Variants in PCNX1 observed in about 807,000 individuals in gnomAD.
The protein encoded by PCNX1 is pecanex-like protein 1.
Under a neutral mutation model 242.2 loss-of-function variants are expected in PCNX1, and 78 were observed. That is an observed-to-expected ratio of 0.32 (90% CI 0.27 to 0.39). PCNX1 has a LOEUF of 0.39. Ranked by LOEUF, PCNX1 falls within the 10% of genes least tolerant of loss-of-function variation. The pLI is 1.00. For synonymous variants in PCNX1, 1,024 were observed against 1,032.9 expected, an observed-to-expected ratio of 0.99 and a Z score of 0.17; for missense variants, 2,581 against 2,856.5, an observed-to-expected ratio of 0.90 and a Z score of 2.20.
chr14:70,972,260 G>A (rs1170184704), intron 5 of PCNX1, among the ~76,000 whole-genome samples: 1 of 149,972 alleles, frequency 6.7e-6, no homozygotes, highest in Non-Finnish European at 1.5e-5. Flanking sequence ...AGGGTGGGGA[G>A]AGCAAGGGGG....
chr14:71,018,340 GAT>G (rs578189983), intron 11 of PCNX1, among the ~76,000 whole-genome samples: 17 of 151,736 alleles, frequency 1.1e-4, no homozygotes, highest in South Asian at 6.2e-4. Context: ...AATCTTCATT[GAT>G]ATATATATAT....
intron 30 of PCNX1, among the ~76,000 whole-genome samples, chr14:71,098,346 C>T (rs1193810096): frequency 1.3e-5 from 2 of 151,982 alleles, no homozygotes; most frequent in Non-Finnish European, 2.9e-5. Context: ...GGAATGGCAT[C>T]GAAGCTGTAG....
chr14:71,005,671 T>C (rs1370338493), intron 8 of PCNX1, among the ~76,000 whole-genome samples: 2 of 152,194 alleles, frequency 1.3e-5, no homozygotes, highest in Non-Finnish European at 1.5e-5. Context: ...CAGTGTCTTG[T>C]GAATGTTTAT....
At chr14:71,049,506 GTTCTT>G (rs1249345011) in intron 22 of PCNX1, among the ~76,000 whole-genome samples, 1 of 152,056 alleles carries the variant, frequency 6.6e-6, no homozygotes. Context: ...GTTACATATT[GTTCTT>G]TTCTTTAATA....
At chr14:70,931,462 A>G (rs1197054564) in intron 1 of PCNX1, among the ~76,000 whole-genome samples, 1 of 152,208 alleles carries the variant, frequency 6.6e-6, no homozygotes, top group Non-Finnish European at 1.5e-5. Context: ...TCATCTCCTG[A>G]AAGAGTGTTA....
In PCNX1 at chr14:70,907,657, TCTCCTCCTCCTCGTTTGCTGC is replaced by T. The variant is rs930099790; in HGVS notation, c.-181_-161del. ...CCGCTCGCCGCCTCCTCCTCTCGGG[TCTCCTCCTCCTCGTTTGCTGC>T]CTCCTCCTCCTCCTGCAGCAGCACC... is the stretch of plus-strand genomic sequence containing the variant. On this transcript the variant is annotated 5_prime_UTR_variant, in exon 1 of 36. Coordinates refer to ENST00000304743, the MANE Select transcript of PCNX1 (RefSeq NM_014982.3). The T allele has an allele frequency of 9.2e-5, 43 of 469,328 alleles. No homozygotes were observed. Among genetic ancestry groups the T allele is most frequent in the Non-Finnish European group, 1.3e-4 (42 of 331,782 alleles). The allele number at this position is 469,328 out of a possible 1,614,324, so 29.1% of individuals were successfully genotyped here.
At chr14:70,990,821 TG>T (rs1443417294) in intron 7 of PCNX1, among the ~76,000 whole-genome samples, 1 of 152,196 alleles carries the variant, frequency 6.6e-6, no homozygotes. Context: ...CTGATGGATT[TG>T]GAGCATAGTC....
At chr14:70,952,356 A>T (rs2057817687) in intron 2 of PCNX1, among the ~76,000 whole-genome samples, 2 of 152,214 alleles carry the variant, frequency 1.3e-5, no homozygotes, top group Admixed American at 1.3e-4. Flanking sequence ...AGCTTAAGAA[A>T]TAAAACATTA....
At chr14:70,950,057 G>T (rs1401678788) in intron 2 of PCNX1, among the ~76,000 whole-genome samples, 1 of 152,088 alleles carries the variant, frequency 6.6e-6, no homozygotes, top group Non-Finnish European at 1.5e-5. Flanking sequence ...TGATATTTCT[G>T]TATATTTTCC....
Position 70,977,005 on chromosome 14 carries a change from C to T in PCNX1, c.668C>T (p.Pro223Leu). 1 of 1,614,134 alleles carries T rather than the reference C, an allele frequency of 6.2e-7. No individual in the cohort carries two copies. Among genetic ancestry groups the T allele is most frequent in the Non-Finnish European group, 8.5e-7 (1 of 1,179,992 alleles). ...AATGACTCCTTCATCTCTATTCAGC[C>T]TTCCTTATCCTCTTGTGGACAGGAC... is the stretch of plus-strand genomic sequence containing the variant. ...VSNDSFISIQ[P>L]SLSSCGQDLP... is the part of the protein sequence containing the mutation. The change falls in exon 6 of 36, where the codon CCT (proline) becomes CTT (leucine). Residue 223 changes from proline to leucine, a missense_variant. Pro to Leu is a moderately conservative substitution (Grantham distance 98). This residue lies in a region of PCNX1 where 1,204 missense variants were observed against 1,216.7 expected (regional missense o/e 0.99). Transcript: ENST00000304743.
chr14:71,037,231 CA>C (rs1417701461), intron 19 of PCNX1, among the ~76,000 whole-genome samples: 1 of 145,346 alleles, frequency 6.9e-6, no homozygotes, highest in Non-Finnish European at 1.5e-5. Context: ...ATGTCATCTG[CA>C]AACAGGGACA....
At chr14:70,995,203 T>G (rs2059312520) in intron 7 of PCNX1, among the ~76,000 whole-genome samples, 1 of 152,216 alleles carries the variant, frequency 6.6e-6, no homozygotes, top group Non-Finnish European at 1.5e-5. Context: ...CTTGCTAGTT[T>G]GTGATTCTTT....
intron 1 of PCNX1, among the ~76,000 whole-genome samples, chr14:70,945,541 A>G (rs1174657910): frequency 6.7e-6 from 1 of 148,350 alleles, no homozygotes; most frequent in Non-Finnish European, 1.5e-5. Context: ...TTTCCATCCT[A>G]ATTTCAACCC....
chr14:71,098,207 G>T (rs1476720732), intron 30 of PCNX1, among the ~76,000 whole-genome samples: 1 of 152,086 alleles, frequency 6.6e-6, no homozygotes, highest in Admixed American at 6.6e-5. Flanking sequence ...TTGAAGTCAG[G>T]TAATGTGATT....
chr14:70,947,908 A>G (rs978123090), intron 2 of PCNX1, among the ~76,000 whole-genome samples: 3 of 152,178 alleles, frequency 2.0e-5, no homozygotes, highest in African/African-American at 7.2e-5. Context: ...GGAGGCCTCT[A>G]AAATGGCCAC....
intron 1 of PCNX1, among the ~76,000 whole-genome samples, chr14:70,944,314 C>T (rs1391446549): frequency 6.6e-6 from 1 of 152,200 alleles, no homozygotes; most frequent in African/African-American, 2.4e-5. Flanking sequence ...CCACGTCTTG[C>T]ATCAGTGACC....
At chr14:71,068,816 C>T (rs1195082478) in intron 26 of PCNX1, among the ~76,000 whole-genome samples, 3 of 114,278 alleles carry the variant, frequency 2.6e-5, no homozygotes, top group South Asian at 2.9e-4. Context: ...ATTTTGTATA[C>T]ATGTATATAA....
intron 2 of PCNX1, among the ~76,000 whole-genome samples, chr14:70,953,671 T>C (rs1468574521): frequency 6.7e-6 from 1 of 148,892 alleles, no homozygotes; most frequent in Non-Finnish European, 1.5e-5. Flanking sequence ...TTTCTTTTTT[T>C]TTTTTTTTTT....
At chr14:71,013,349 G>A in intron 11 of PCNX1, 147 bp downstream of exon 11, 1 of 716,046 alleles carries the variant, frequency 1.4e-6, no homozygotes, top group Non-Finnish European at 2.5e-6. Flanking sequence ...TTAAGGTAAT[G>A]GGTTTCTAAA....
Sources: allele counts gnomAD v4.1 joint callset (sites outside exome capture counted in the v4.1 genomes callset), GRCh38; gene constraint gnomAD v4.1.1; regional missense constraint gnomAD v4.1.1; transcripts MANE v1.5; gene names NCBI Gene and HGNC (gene_info 2026-07-23, HGNC 2026-07-21).